Variants in PTPRD observed in about 807,000 individuals in gnomAD.
The protein encoded by PTPRD is receptor-type tyrosine-protein phosphatase delta.
PTPRD carries 34 observed loss-of-function variants against 214.5 expected under a neutral mutation model. That is an observed-to-expected ratio of 0.16 (90% CI 0.12 to 0.21). PTPRD has a LOEUF of 0.21. Among genes scored for constraint, PTPRD ranks in the 10% least tolerant of loss-of-function variants. The pLI is 1.00. For synonymous variants in PTPRD, 1,128 were observed against 845.7 expected, an observed-to-expected ratio of 1.33 and a Z score of -5.79; for missense variants, 2,545 against 2,398.7, an observed-to-expected ratio of 1.06 and a Z score of -1.27.
At chr9:8,610,840 G>A (rs1384722209) in intron 14 of PTPRD, among the ~76,000 whole-genome samples, 2 of 152,090 alleles carry the variant, frequency 1.3e-5, no homozygotes, top group Admixed American at 1.3e-4. Flanking sequence ...CATACAACAG[G>A]ACGTGATCTG....
intron 3 of PTPRD, among the ~76,000 whole-genome samples, chr9:10,153,563 TCAGGATA>T (rs1201653045): frequency 6.6e-6 from 1 of 151,750 alleles, no homozygotes; most frequent in African/African-American, 2.4e-5. Context: ...AACTTTAAGT[TCAGGATA>T]CATGTGCAGG....
chr9:9,518,687 T>C (rs2096893551), intron 8 of PTPRD, among the ~76,000 whole-genome samples: 2 of 152,018 alleles, frequency 1.3e-5, no homozygotes, highest in African/African-American at 2.4e-5. Flanking sequence ...AAATTAAATA[T>C]GACAGAATTG....
At chr9:10,039,157 T>C (rs2097250496) in intron 3 of PTPRD, among the ~76,000 whole-genome samples, 1 of 152,098 alleles carries the variant, frequency 6.6e-6, no homozygotes, top group Admixed American at 6.6e-5. Context: ...ATTCAAATCA[T>C]CAAAATTATA....
chr9:10,224,015 T>A (rs1243121949), intron 3 of PTPRD, among the ~76,000 whole-genome samples: 2 of 151,774 alleles, frequency 1.3e-5, no homozygotes, highest in Middle Eastern at 3.2e-3. Context: ...GAAAATTATT[T>A]CAGGTTAAAT....
intron 9 of PTPRD, among the ~76,000 whole-genome samples, chr9:9,296,408 T>A (rs919395053): frequency 1.3e-5 from 2 of 151,766 alleles, no homozygotes; most frequent in Non-Finnish European, 2.9e-5. Context: ...TCTCTTTACC[T>A]TCTGACAAAT....
At chr9:8,737,508 C>T (rs2090744901) in intron 11 of PTPRD, among the ~76,000 whole-genome samples, 1 of 151,474 alleles carries the variant, frequency 6.6e-6, no homozygotes, top group East Asian at 1.9e-4. Flanking sequence ...TATAGTAAGG[C>T]TTGCTAAGTA....
At position 9,892,122 on chromosome 9, in the gene PTPRD, A is replaced by T. The variant is rs79915182; in HGVS notation, c.-368+46385T>A. 7.6e-3 allele frequency among the ~76,000 whole-genome samples: 1,156 copies of T among 152,244 alleles called. 17 individuals are homozygous for T. Among genetic ancestry groups the T allele is most frequent in the African/African-American group, 0.026 (1,080 of 41,562 alleles). ...TGCCTACCAGGTTCCAGGCCTAGTA[A>T]ATAGACAAGTAAAAAAGTACAATTT... On this transcript the variant is annotated intron_variant, in intron 5 of 45. Transcript: ENST00000381196.
chr9:8,921,462 T>C (rs2098827360), intron 11 of PTPRD, among the ~76,000 whole-genome samples: 1 of 152,032 alleles, frequency 6.6e-6, no homozygotes, highest in Non-Finnish European at 1.5e-5. Context: ...GATGTGGGGC[T>C]TATGAATATG....
chr9:10,338,311 G>C (rs1454327351), intron 3 of PTPRD, among the ~76,000 whole-genome samples: 1 of 151,524 alleles, frequency 6.6e-6, no homozygotes, highest in African/African-American at 2.4e-5. Context: ...GCAAGCAGAG[G>C]ACTGATTCCT....
chr9:10,489,585 C>G (rs1378362697), intron 2 of PTPRD, among the ~76,000 whole-genome samples: 1 of 152,188 alleles, frequency 6.6e-6, no homozygotes, highest in Non-Finnish European at 1.5e-5. Flanking sequence ...AGCTCCAGAG[C>G]ACTTTGGCCT....
At chr9:9,090,970 A>G in intron 10 of PTPRD, 1 of 1,574,694 alleles carries the variant, frequency 6.4e-7, no homozygotes, top group Middle Eastern at 1.7e-4. Context: ...TCGCTGCACT[A>G]ACTGTGCCCG....
intron 5 of PTPRD, among the ~76,000 whole-genome samples, chr9:9,819,367 G>A (rs901768397): frequency 7.9e-5 from 12 of 152,140 alleles, no homozygotes; most frequent in South Asian, 2.1e-4. Context: ...GAACTTTGGC[G>A]GAGGTTTAAT....
chr9:9,261,997 G>T (rs1177206531), intron 9 of PTPRD, among the ~76,000 whole-genome samples: 1 of 151,628 alleles, frequency 6.6e-6, no homozygotes, highest in Non-Finnish European at 1.5e-5. Context: ...ACTTTAAACA[G>T]TATAGATTAT....
intron 2 of PTPRD, among the ~76,000 whole-genome samples, chr9:10,425,075 C>T (rs1295182587): frequency 6.6e-6 from 1 of 151,750 alleles, no homozygotes; most frequent in Non-Finnish European, 1.5e-5. Flanking sequence ...CCATATATTT[C>T]AGAACAATAT....
intron 2 of PTPRD, among the ~76,000 whole-genome samples, chr9:10,344,932 A>T (rs2097039060): frequency 1.3e-5 from 2 of 152,120 alleles, no homozygotes; most frequent in Admixed American, 6.6e-5. Flanking sequence ...TATTTATGTT[A>T]TTCATTTTAG....
At chr9:9,379,729 T>C (rs2061678038) in intron 9 of PTPRD, among the ~76,000 whole-genome samples, 1 of 152,000 alleles carries the variant, frequency 6.6e-6, no homozygotes, top group Non-Finnish European at 1.5e-5. Flanking sequence ...TTTGTAGTTT[T>C]CCTCATATAG....
intron 34 of PTPRD, among the ~76,000 whole-genome samples, chr9:8,446,160 G>A (rs565292719): frequency 6.6e-6 from 1 of 152,298 alleles, no homozygotes; most frequent in South Asian, 2.1e-4. Context: ...AACGGTGGAT[G>A]GAAATCTAAC....
chr9:9,340,661 G>C (rs1371239870), intron 9 of PTPRD, among the ~76,000 whole-genome samples: 1 of 152,212 alleles, frequency 6.6e-6, no homozygotes, highest in African/African-American at 2.4e-5. Flanking sequence ...GAATTGAATA[G>C]AGTTGGCCCC....
At position 8,989,155 on chromosome 9, in the gene PTPRD, T is replaced by C. The variant is rs972138411; in HGVS notation, c.-104+29542A>G. Among the ~76,000 whole-genome samples, 37 of 152,100 alleles carry C rather than the reference T, an allele frequency of 2.4e-4. 1 individual carries two copies. The highest frequency in any genetic ancestry group is 8.0e-4 in the African/African-American group (33 of 41,444). On this transcript the variant is annotated intron_variant, in intron 11 of 45. Transcript: ENST00000381196. ...TATTTTGATACCTGTACACAATGTG[T>C]AATGATCAAATCAGGGTAGGGATAT...
Sources: gnomAD v4.1 joint callset for allele counts (sites outside exome capture counted in the v4.1 genomes callset) on GRCh38, gnomAD v4.1.1 for gene constraint, MANE v1.5 for transcripts, NCBI Gene and HGNC (gene_info 2026-07-23, HGNC 2026-07-21) for gene names.